The following DOCK4 variants were observed in gnomAD, a reference collection of about 807,000 sequenced individuals.
DOCK4 encodes the protein dedicator of cytokinesis 4, also known as dedicator of cytokinesis protein 4.
Under a neutral mutation model 268.1 loss-of-function variants are expected in DOCK4, and 97 were observed. That is an observed-to-expected ratio of 0.36 (90% CI 0.31 to 0.43). DOCK4 has a LOEUF of 0.43. DOCK4 is among the 20% of genes least tolerant of loss of function. The probability of loss-of-function intolerance (pLI) is 1.00; values close to 1 mark genes in which losing one functional copy is unlikely to be tolerated. For synonymous variants in DOCK4, 954 were observed against 887.2 expected (o/e 1.08, Z -1.34); for missense variants, 2,145 against 2,455.7 (o/e 0.87, Z 2.67).
intron 8 of DOCK4, among the ~76,000 whole-genome samples, chr7:111,951,173 AATG>A (rs1796018229): frequency 6.6e-6 from 1 of 152,232 alleles, no homozygotes; most frequent in Non-Finnish European, 1.5e-5. Flanking sequence ...TTCTTCCAAC[AATG>A]ATTTGATGAA....
At chr7:111,732,990 T>C (rs142585581) in intron 51 of DOCK4, among the ~76,000 whole-genome samples, 3 of 152,346 alleles carry the variant, frequency 2.0e-5, no homozygotes, top group Non-Finnish European at 4.4e-5. Context: ...ATAGCACTGT[T>C]CCTGTGTGCA....
chr7:111,741,175 G>A lies in DOCK4; in HGVS notation c.4959C>T (p.Ser1653=). The stretch of plus-strand genomic sequence containing the variant: ...CAGCAGAAGCTTGTGAGGACAGTGA[G>A]GAGGAAGAATATCGGTTGACAGCTG... ...SYPAVNRYSS[S]SLSSQASAEV... The change falls in exon 47 of 53, where the codon TCC becomes TCT. Residue 1653 remains serine (S), a synonymous_variant. Transcript: ENST00000428084. The A allele has an allele frequency of 6.2e-7, 1 of 1,613,962 alleles. No homozygotes were observed. Among genetic ancestry groups the A allele is most frequent in the Non-Finnish European group, 8.5e-7 (1 of 1,179,888 alleles).
chr7:111,730,809 T>C (rs1795033880), intron 52 of DOCK4, among the ~76,000 whole-genome samples: 1 of 152,188 alleles, frequency 6.6e-6, no homozygotes, highest in Non-Finnish European at 1.5e-5. Flanking sequence ...TCGAACTGCA[T>C]ATGGCCAGTA....
intron 8 of DOCK4, among the ~76,000 whole-genome samples, chr7:111,954,968 CTGTT>C (rs1242921896): frequency 6.6e-6 from 1 of 152,178 alleles, no homozygotes; most frequent in Non-Finnish European, 1.5e-5. Flanking sequence ...TAAAAGCTTC[CTGTT>C]TGTTTAAAGC....
At chr7:111,983,823 C>T (rs987315516) in intron 7 of DOCK4, among the ~76,000 whole-genome samples, 1 of 145,664 alleles carries the variant, frequency 6.9e-6, no homozygotes, top group African/African-American at 2.6e-5. Context: ...GTATATAGTG[C>T]TATTATGTAT....
chr7:112,105,593 A>G (rs1211667275), intron 1 of DOCK4, among the ~76,000 whole-genome samples: 1 of 151,314 alleles, frequency 6.6e-6, no homozygotes, highest in Non-Finnish European at 1.5e-5. Flanking sequence ...TTCTTATAAA[A>G]GGTTTCTTCT....
chr7:111,734,968 C>A, intron 51 of DOCK4, 86 bp downstream of exon 51: 1 of 1,085,072 alleles, frequency 9.2e-7, no homozygotes, highest in South Asian at 1.4e-5. Flanking sequence ...AAACGCCTAC[C>A]TTTCTCTCAG....
At chr7:112,083,011 C>T (rs1808741126) in intron 1 of DOCK4, among the ~76,000 whole-genome samples, 1 of 152,056 alleles carries the variant, frequency 6.6e-6, no homozygotes, top group Non-Finnish European at 1.5e-5. Flanking sequence ...AGATTAAGCA[C>T]ACTTGAAATT....
intron 8 of DOCK4, among the ~76,000 whole-genome samples, chr7:111,959,233 C>T (rs1796675404): frequency 6.6e-6 from 1 of 152,090 alleles, no homozygotes; most frequent in Non-Finnish European, 1.5e-5. Flanking sequence ...ATGATATTGC[C>T]ACAATCCAAG....
At chr7:111,981,376 C>T (rs1181381546) in intron 7 of DOCK4, among the ~76,000 whole-genome samples, 1 of 152,124 alleles carries the variant, frequency 6.6e-6, no homozygotes. Flanking sequence ...GGCCAGGATA[C>T]AAACAGAAAC....
At chr7:112,125,853 G>C (rs1377289330) in intron 1 of DOCK4, among the ~76,000 whole-genome samples, 2 of 152,002 alleles carry the variant, frequency 1.3e-5, no homozygotes, top group Non-Finnish European at 2.9e-5. Flanking sequence ...TTGTCACCCA[G>C]ACTGGGATAC....
intron 8 of DOCK4, among the ~76,000 whole-genome samples, chr7:111,954,843 C>T (rs1465260019): frequency 6.6e-6 from 1 of 152,022 alleles, no homozygotes. Context: ...TCTCAGGGTT[C>T]GAACCGATAC....
At chr7:111,928,618 C>T (rs1177731921) in intron 12 of DOCK4, among the ~76,000 whole-genome samples, 5 of 145,068 alleles carry the variant, frequency 3.4e-5, no homozygotes, top group Non-Finnish European at 6.0e-5. Flanking sequence ...GATGGAGTCT[C>T]GCTCTGTCAC....
Position 112,064,211 on chromosome 7 carries a change from T to C in DOCK4, c.38-60080A>G, listed in dbSNP as rs530290682. On this transcript the variant is annotated intron_variant, in intron 1 of 52. Transcript: ENST00000428084. Reference sequence around the variant, plus strand: ...AGGGTTGGCGGCAGCAGCAGCTCTCTTGTCAGACTAATCCTGTGGGGGTGG... The same window carrying C: ...AGGGTTGGCGGCAGCAGCAGCTCTCCTGTCAGACTAATCCTGTGGGGGTGG... Among the ~76,000 whole-genome samples, 11 of 152,302 alleles carry C rather than the reference T, an allele frequency of 7.2e-5. No homozygotes were observed. The East Asian group carries it at 2.1e-3, about 29-fold the overall frequency.
intron 1 of DOCK4, among the ~76,000 whole-genome samples, chr7:112,132,859 C>T (rs1813934401): frequency 6.6e-6 from 1 of 152,154 alleles, no homozygotes; most frequent in South Asian, 2.1e-4. Context: ...ACTTTCGCTG[C>T]AGGATTCATT....
intron 1 of DOCK4, among the ~76,000 whole-genome samples, chr7:112,093,469 T>C (rs901615278): frequency 3.9e-5 from 6 of 152,128 alleles, no homozygotes; most frequent in African/African-American, 1.2e-4. Context: ...ACAATTATAT[T>C]AATATATCAC....
At chr7:111,734,101 C>G (rs1226677030) in intron 51 of DOCK4, among the ~76,000 whole-genome samples, 1 of 152,050 alleles carries the variant, frequency 6.6e-6, no homozygotes, top group African/African-American at 2.4e-5. Context: ...CCATGCCTGG[C>G]TAATTTTTGC....
intron 1 of DOCK4, among the ~76,000 whole-genome samples, chr7:112,014,033 AG>A (rs1174032464): frequency 2.0e-5 from 3 of 152,358 alleles, no homozygotes; most frequent in Non-Finnish European, 2.9e-5. Context: ...CAAGGTGTGC[AG>A]TTGACTTATT....
chr7:111,788,605 A>T, intron 32 of DOCK4, 57 bp downstream of exon 32: 1 of 1,413,966 alleles, frequency 7.1e-7, no homozygotes, highest in South Asian at 1.2e-5. Context: ...AGAGAGGCTC[A>T]GTACTGACAC....
Sources: gnomAD v4.1 joint callset for allele counts (sites outside exome capture counted in the v4.1 genomes callset) on GRCh38, gnomAD v4.1.1 for gene constraint, MANE v1.5 for transcripts, NCBI Gene and HGNC (gene_info 2026-07-23, HGNC 2026-07-21) for gene names.